The following TMPRSS9 variants were observed in gnomAD, a reference collection of about 807,000 sequenced individuals.
The protein encoded by TMPRSS9 is transmembrane protease serine 9.
TMPRSS9 carries 113 observed loss-of-function variants against 111.4 expected under a neutral mutation model. That is an observed-to-expected ratio of 1.01 (90% CI 0.87 to 1.19). The LOEUF is 1.19. Among genes scored for constraint, TMPRSS9 ranks in the 50% most tolerant of loss-of-function variants. TMPRSS9 has a pLI of 0.00. For synonymous variants in TMPRSS9, 805 were observed against 659.1 expected (o/e 1.22, Z -3.39); for missense variants, 1,803 against 1,513.1 (o/e 1.19, Z -3.18).
intron 1 of TMPRSS9, among the ~76,000 whole-genome samples, chr19:2,370,410 G>A (rs1970278838): frequency 7.3e-6 from 1 of 136,294 alleles, no homozygotes; most frequent in African/African-American, 2.9e-5. Context: ...GATAGAGTGA[G>A]ACTCTGTCTC....
chr19:2,386,003 G>A (rs1453511540), upstream of TMPRSS9, among the ~76,000 whole-genome samples: 1 of 152,050 alleles, frequency 6.6e-6, no homozygotes, highest in African/African-American at 2.4e-5. Flanking sequence ...GGAGTGCAGT[G>A]GTGTGATCAC....
At position 2,423,993 on chromosome 19, in the gene TMPRSS9, G is replaced by A. The variant is rs1235537895; in HGVS notation, c.2549-96G>A. On this transcript the variant is annotated intron_variant, in intron 14 of 17. Coordinates refer to ENST00000648592, the Ensembl canonical transcript of TMPRSS9. The stretch of plus-strand genomic sequence containing the variant: ...CCCCCATCACAACCTACTCCCTGGG[G>A]CTCCCAGGGGGATTCGTGGAGAGGC... 42 of 1,202,940 alleles carry A rather than the reference G, an allele frequency of 3.5e-5. No homozygotes were observed. In the East Asian group the frequency reaches 1.2e-3, roughly 34 times the overall value. 74.5% of individuals were successfully genotyped at this position (1,202,940 alleles called of 1,614,324 possible).
chr19:2,382,064 C>T (rs1205163030), intron 1 of TMPRSS9, among the ~76,000 whole-genome samples: 1 of 152,024 alleles, frequency 6.6e-6, no homozygotes, highest in East Asian at 1.9e-4. Flanking sequence ...TGGTCTCGAA[C>T]TCCTGACCTC....
chr19:2,413,726 C>T (rs749812372), exon 10 of TMPRSS9: 8 of 1,612,212 alleles, frequency 5.0e-6, no homozygotes, highest in East Asian at 2.2e-5. Context: ...CCCTGGTCTG[C>T]GAGGAGCCCT....
At chr19:2,394,805 G>C (rs1970673825) in intron 1 of TMPRSS9, among the ~76,000 whole-genome samples, 1 of 151,890 alleles carries the variant, frequency 6.6e-6, no homozygotes, top group African/African-American at 2.4e-5. Context: ...GCGCTGGTGT[G>C]CACTTCTGGT....
chr19:2,389,924 T>C (rs754206433), exon 1 of TMPRSS9: 2 of 1,607,144 alleles, frequency 1.2e-6, no homozygotes, highest in African/African-American at 1.3e-5. Context: ...GGGAGTCCTT[T>C]TGGGTAAGTG....
At chr19:2,422,019 C>T (rs768298534) in exon 14 of TMPRSS9, 1 of 1,613,000 alleles carries the variant, frequency 6.2e-7, no homozygotes, top group Non-Finnish European at 8.5e-7. Context: ...CTCCCAGCCC[C>T]TTCCCATGTC....
At chr19:2,401,639 G>C (rs1027770478) in intron 4 of TMPRSS9, among the ~76,000 whole-genome samples, 1 of 151,512 alleles carries the variant, frequency 6.6e-6, no homozygotes, top group Non-Finnish European at 1.5e-5. Context: ...ATGGAGTCTC[G>C]CTCTGTCGCC....
intron 12 of TMPRSS9, among the ~76,000 whole-genome samples, chr19:2,417,564 C>A (rs1177434036): frequency 6.6e-6 from 1 of 152,100 alleles, no homozygotes. Flanking sequence ...AGGAGAATCA[C>A]TTGAGCCTGG....
At chr19:2,424,509 GT>G (rs1398632612) in intron 15 of TMPRSS9, among the ~76,000 whole-genome samples, 1 of 148,022 alleles carries the variant, frequency 6.8e-6, no homozygotes, top group Non-Finnish European at 1.5e-5. Flanking sequence ...CTACCCCGCG[GT>G]CCCCACCTAA....
Position 2,417,161 on chromosome 19 carries a change from A to G in TMPRSS9, c.2017+352A>G, listed in dbSNP as rs542818751. ...GCTGAAAATATTTAATTCTCTGACC[A>G]TTTATAGAAAATGTTTGCCGGCGGC... On this transcript the variant is annotated intron_variant, in intron 12 of 17. Transcript: ENST00000648592. 1.8e-4 allele frequency among the ~76,000 whole-genome samples: 27 copies of G among 152,276 alleles called. 1 individual carries two copies. In the South Asian group the frequency reaches 4.6e-3, roughly 26 times the overall value.
chr19:2,418,012 C>T lies in TMPRSS9; in HGVS notation c.2028C>T (p.Pro676=), dbSNP rs199723875. Residue 676 remains proline, a synonymous_variant, in exon 13 of 18, where the codon CCC becomes CCT. Coordinates refer to ENST00000648592, the Ensembl canonical transcript of TMPRSS9. ...CTCTTTCCCTGGTAGCCACCAAGCC[C>T]GAGCTCCTGCAGAAGGCGTCCGTGG... 28 of 1,611,522 alleles carry T rather than the reference C, an allele frequency of 1.7e-5. No individual in the cohort carries two copies. The East Asian group carries it at 1.8e-4, about 10-fold the overall frequency.
chr19:2,404,403 T>C (rs966637912), intron 6 of TMPRSS9, among the ~76,000 whole-genome samples: 3 of 151,598 alleles, frequency 2.0e-5, no homozygotes, highest in African/African-American at 7.3e-5. Context: ...AAAGGCTGGG[T>C]GCAGTGGGTC....
intron 1 of TMPRSS9, among the ~76,000 whole-genome samples, chr19:2,391,251 A>AAG (rs1209014336): frequency 1.3e-5 from 2 of 151,122 alleles, no homozygotes; most frequent in Non-Finnish European, 2.9e-5. Flanking sequence ...AAAAAAAAAA[A>AAG]AAAAAAAAGT....
At chr19:2,377,888 A>AT (rs1237832741) in intron 1 of TMPRSS9, among the ~76,000 whole-genome samples, 8 of 146,358 alleles carry the variant, frequency 5.5e-5, no homozygotes, top group East Asian at 2.1e-4. Flanking sequence ...AATTTTTACA[A>AT]TTTTTTTGCA....
intron 10 of TMPRSS9, among the ~76,000 whole-genome samples, chr19:2,415,208 G>A (rs1019338242): frequency 6.6e-5 from 10 of 152,048 alleles, no homozygotes; most frequent in Middle Eastern, 3.2e-3. Flanking sequence ...GCCTCCCAAA[G>A]TGCTGGGATA....
intron 10 of TMPRSS9, among the ~76,000 whole-genome samples, chr19:2,415,029 T>A (rs1971194776): frequency 1.5e-5 from 2 of 137,050 alleles, no homozygotes; most frequent in East Asian, 2.5e-4. Flanking sequence ...CACTGCAACC[T>A]CCACCTCCCG....
intron 1 of TMPRSS9, among the ~76,000 whole-genome samples, chr19:2,366,911 T>C (rs1309851545): frequency 6.7e-6 from 1 of 149,316 alleles, no homozygotes; most frequent in Non-Finnish European, 1.5e-5. Context: ...TGAAAGCTCG[T>C]CTGGGCCTGG....
intron 4 of TMPRSS9, among the ~76,000 whole-genome samples, chr19:2,401,039 C>T (rs1427631102): frequency 2.0e-5 from 3 of 151,088 alleles, no homozygotes; most frequent in Non-Finnish European, 4.4e-5. Flanking sequence ...CTTTAGGAGG[C>T]CGAGGTGGGC....
Sources: gnomAD v4.1 joint callset for allele counts (sites outside exome capture counted in the v4.1 genomes callset) on GRCh38, gnomAD v4.1.1 for gene constraint, MANE v1.5 for transcripts, NCBI Gene and HGNC (gene_info 2026-07-23, HGNC 2026-07-21) for gene names.